The following ABCB1 variants were observed in gnomAD, a reference collection of about 807,000 sequenced individuals.
The protein encoded by ABCB1 is ATP binding cassette subfamily B member 1.
Under a neutral mutation model 142.0 loss-of-function variants are expected in ABCB1, and 69 were observed. The ratio of observed to expected loss-of-function variants is 0.49; its 90% CI spans 0.40 to 0.59. ABCB1 has a LOEUF of 0.59. ABCB1 is among the 20% of genes least tolerant of loss of function. ABCB1 has a pLI of 0.00. For synonymous variants in ABCB1, 532 were observed against 539.2 expected, an observed-to-expected ratio of 0.99 and a Z score of 0.18; for missense variants, 1,326 against 1,554.7, an observed-to-expected ratio of 0.85 and a Z score of 2.47.
chr7:87,703,109 C>A (rs1829239939), intron 1 of ABCB1, among the ~76,000 whole-genome samples: 1 of 151,864 alleles, frequency 6.6e-6, no homozygotes, highest in Non-Finnish European at 1.5e-5. Flanking sequence ...TTGATATTTA[C>A]AGTTTTAAGA....
At chr7:87,708,373 A>G (rs1829788110) in intron 1 of ABCB1, among the ~76,000 whole-genome samples, 1 of 152,160 alleles carries the variant, frequency 6.6e-6, no homozygotes, top group South Asian at 2.1e-4. Flanking sequence ...CTTCACATCT[A>G]TTATATAAAT....
At chr7:87,525,940 A>G (rs1234601961) in intron 21 of ABCB1, among the ~76,000 whole-genome samples, 1 of 152,206 alleles carries the variant, frequency 6.6e-6, no homozygotes, top group African/African-American at 2.4e-5. Context: ...GGTCCATGTC[A>G]TAAAAGAAGT....
Position 87,701,189 on chromosome 7 carries a change from G to A in ABCB1, c.-331+11972C>T, listed in dbSNP as rs142818209. ...TGAGCTGAACTAGATACTTTTTAAT[G>A]TAATATGATTTTACTGAAAAGAAAA... On this transcript the variant is annotated intron_variant, in intron 1 of 28. Coordinates refer to the ABCB1 transcript ENST00000265724. Among the ~76,000 whole-genome samples the A allele has an allele frequency of 3.6e-3, 543 of 152,260 alleles. 6 individuals are homozygous for A. Among genetic ancestry groups the A allele is most frequent in the African/African-American group, 0.012 (517 of 41,544 alleles).
At chr7:87,507,898 C>T (rs1292459487) in intron 26 of ABCB1, among the ~76,000 whole-genome samples, 1 of 152,166 alleles carries the variant, frequency 6.6e-6, no homozygotes, top group East Asian at 1.9e-4. Flanking sequence ...AAGCCAAATA[C>T]TGCATGTTCT....
chr7:87,601,640 T>C (rs1264544455), upstream of ABCB1, among the ~76,000 whole-genome samples: 1 of 152,264 alleles, frequency 6.6e-6, no homozygotes, highest in Non-Finnish European at 1.5e-5. Context: ...TCCTGTCCAC[T>C]ATTTACTTCA....
intron 1 of ABCB1, among the ~76,000 whole-genome samples, chr7:87,615,766 G>A (rs905507918): frequency 1.4e-4 from 21 of 152,312 alleles, no homozygotes; most frequent in Non-Finnish European, 2.5e-4. Flanking sequence ...GTGATCAAAG[G>A]AGAAAGGAAA....
chr7:87,516,549 G>C lies in ABCB1; in HGVS notation c.3044C>G (p.Thr1015Ser). The C allele has an allele frequency of 6.2e-7, 1 of 1,614,138 alleles. No homozygotes were observed. The highest frequency in any genetic ancestry group is 1.1e-5 in the South Asian group (1 of 91,084). ...CGTGCTGTAGCTGTCAATCAAAGGG[G>C]TTTTTTCAATGATCATGATGATGTG... ...AAHIIMIIEK[T>S]PLIDSYSTEG... Residue 1015 changes from threonine (T) to serine (S), a missense_variant, in exon 24 of 28, where the codon ACC becomes AGC. Physicochemically the swap from Thr to Ser is moderately conservative, Grantham distance 58. Transcript: ENST00000622132.
At chr7:87,640,494 C>A (rs1303344038) in intron 1 of ABCB1, among the ~76,000 whole-genome samples, 2 of 151,968 alleles carry the variant, frequency 1.3e-5, no homozygotes, top group African/African-American at 4.8e-5. Context: ...CAGACATGCA[C>A]CACCACACCC....
chr7:87,700,610 A>G, intron 1 of ABCB1: 2 of 1,523,266 alleles, frequency 1.3e-6, no homozygotes, highest in African/African-American at 1.4e-5. Context: ...ATGTATTTGG[A>G]ATAGCAGGAA....
intron 1 of ABCB1, among the ~76,000 whole-genome samples, chr7:87,699,424 T>C (rs993434628): frequency 2.6e-5 from 4 of 152,118 alleles, no homozygotes; most frequent in Admixed American, 6.6e-5. Flanking sequence ...TCTTTTTTTT[T>C]ACAGAGTCCT....
At chr7:87,571,581 G>C (rs1818060234) in intron 4 of ABCB1, among the ~76,000 whole-genome samples, 1 of 152,096 alleles carries the variant, frequency 6.6e-6, no homozygotes, top group Admixed American at 6.6e-5. Flanking sequence ...AGTAGAGAGA[G>C]TAAAAATTTT....
rs950792547 is a variant in ABCB1, at chr7:87,522,085, A to G, written c.2686-1209T>C. The G allele has an allele frequency of 3.6e-5, 43 of 1,192,516 alleles. 1 individual carries two copies. The highest frequency in any genetic ancestry group is 4.9e-5 in the Non-Finnish European group (40 of 810,204). The allele number at this position is 1,192,516 out of a possible 1,614,324, so 73.9% of individuals were successfully genotyped here. ...GAACTTTGGTGGTGGTCGTGGAGGTAGTTTCGGTGGGAATGACAACTTTGG... is the reference window on the plus strand; with the variant it reads ...GAACTTTGGTGGTGGTCGTGGAGGTGGTTTCGGTGGGAATGACAACTTTGG... On this transcript the variant is annotated intron_variant, in intron 21 of 27. Transcript: ENST00000622132.
intron 4 of ABCB1, among the ~76,000 whole-genome samples, chr7:87,580,875 G>A (rs1818477257): frequency 6.6e-6 from 1 of 151,904 alleles, no homozygotes; most frequent in African/African-American, 2.4e-5. Context: ...TGGTGGGGGA[G>A]GGGAAGAGTG....
rs28381933 is a variant in ABCB1 at position 87,542,363 on chromosome 7, A to G, written c.2212-899T>C. On this transcript the variant is annotated intron_variant, in intron 17 of 27. Coordinates refer to ENST00000622132, the MANE Select transcript of ABCB1 (RefSeq NM_001348946.2). ...GCAACTATCTCCAGAAGTATGATTT[A>G]TTATCATCACGGTTTTACACAGATA... Among the ~76,000 whole-genome samples, 758 of 152,334 alleles carry G rather than the reference A, an allele frequency of 5.0e-3. 4 individuals are homozygous for G. The highest frequency in any genetic ancestry group is 0.017 in the African/African-American group (719 of 41,576).
chr7:87,536,331 G>A (rs1816290324), intron 20 of ABCB1, 127 bp downstream of exon 20: 17 of 814,338 alleles, frequency 2.1e-5, no homozygotes, highest in South Asian at 7.2e-5. Context: ...TGATATATTC[G>A]TAGGTTAGAT....
At chr7:87,614,198 C>A (rs757278287) in intron 1 of ABCB1, among the ~76,000 whole-genome samples, 4 of 152,098 alleles carry the variant, frequency 2.6e-5, no homozygotes, top group Non-Finnish European at 5.9e-5. Flanking sequence ...GAGTTCAAGA[C>A]AAGCCTGGGC....
intron 9 of ABCB1, among the ~76,000 whole-genome samples, chr7:87,551,669 A>G (rs1817076489): frequency 6.6e-6 from 1 of 152,100 alleles, no homozygotes; most frequent in Admixed American, 6.6e-5. Context: ...TAAAAAAAAA[A>G]ATTATAGAGA....
At chr7:87,537,322 T>C (rs1035133915) in intron 19 of ABCB1, among the ~76,000 whole-genome samples, 1 of 152,202 alleles carries the variant, frequency 6.6e-6, no homozygotes, top group African/African-American at 2.4e-5. Context: ...CTTTACCCTG[T>C]GAGCTACAGG....
chr7:87,660,394 G>A (rs1205596487), intron 1 of ABCB1, among the ~76,000 whole-genome samples: 1 of 151,932 alleles, frequency 6.6e-6, no homozygotes, highest in Non-Finnish European at 1.5e-5. Flanking sequence ...TAAATCTCTA[G>A]TTAGTTGTAG....
Sources: gnomAD v4.1 joint callset for allele counts (sites outside exome capture counted in the v4.1 genomes callset) on GRCh38, gnomAD v4.1.1 for gene constraint, MANE v1.5 for transcripts, NCBI Gene and HGNC (gene_info 2026-07-23, HGNC 2026-07-21) for gene names.